The following ADARB2 variants were observed in gnomAD, a reference collection of about 807,000 sequenced individuals.
ADARB2 encodes the protein adenosine deaminase RNA specific B2 (inactive).
ADARB2 carries 25 observed loss-of-function variants against 62.2 expected under a neutral mutation model. The ratio of observed to expected loss-of-function variants is 0.40; its 90% CI spans 0.29 to 0.56. The LOEUF (loss-of-function observed/expected upper bound fraction) is 0.56. Among genes scored for constraint, ADARB2 ranks in the 20% least tolerant of loss-of-function variants. The pLI is 0.43. For synonymous variants in ADARB2, 572 were observed against 500.8 expected (o/e 1.14, Z -1.90); for missense variants, 1,071 against 1,077.4 (o/e 0.99, Z 0.08).
intron 1 of ADARB2, among the ~76,000 whole-genome samples, chr10:1,440,680 A>T (rs550120244): frequency 6.6e-6 from 1 of 152,230 alleles, no homozygotes; most frequent in Non-Finnish European, 1.5e-5. Flanking sequence ...ATTAAACAAG[A>T]TTATGAACAC....
intron 1 of ADARB2, among the ~76,000 whole-genome samples, chr10:1,537,772 T>G (rs1357900578): frequency 6.6e-6 from 1 of 151,816 alleles, no homozygotes; most frequent in African/African-American, 2.4e-5. Flanking sequence ...TGAGAACACA[T>G]GGACACAGGG....
At chr10:1,245,135 G>T (rs551404297) in intron 4 of ADARB2, among the ~76,000 whole-genome samples, 1 of 152,236 alleles carries the variant, frequency 6.6e-6, no homozygotes, top group South Asian at 2.1e-4. Context: ...TGGACATGGT[G>T]CATGAGGACT....
At chr10:1,190,441 A>G (rs1336812341) in intron 8 of ADARB2, among the ~76,000 whole-genome samples, 2 of 152,248 alleles carry the variant, frequency 1.3e-5, no homozygotes, top group African/African-American at 4.8e-5. Context: ...TTCCACATGC[A>G]CAGAAAATTG....
chr10:1,438,825 T>G (rs1310111200), intron 1 of ADARB2, among the ~76,000 whole-genome samples: 1 of 127,590 alleles, frequency 7.8e-6, no homozygotes, highest in Admixed American at 8.0e-5. Context: ...CCTCAGCAGA[T>G]GGAGGCAGGT....
In ADARB2 at chr10:1,394,727, A is replaced by G. The variant is rs187768507; in HGVS notation, c.101-15567T>C. On this transcript the variant is annotated intron_variant, in intron 1 of 9. Transcript: ENST00000381312. ...TGACAACCTGCCTGGGGCCTGAGGA[A>G]CGTCAAAGGGTCTGAAGCCAGGGCC... 3.3e-3 allele frequency among the ~76,000 whole-genome samples: 510 copies of G among 152,254 alleles called. 5 individuals are homozygous for G. The highest frequency in any genetic ancestry group is 0.023 in the East Asian group (120 of 5,166).
chr10:1,541,793 C>T (rs1262158499), intron 1 of ADARB2, among the ~76,000 whole-genome samples: 17 of 45,050 alleles, frequency 3.8e-4, no homozygotes, highest in African/African-American at 1.4e-3. Flanking sequence ...GGATCACAGC[C>T]GCCCAGACCG....
intron 1 of ADARB2, among the ~76,000 whole-genome samples, chr10:1,718,267 C>G (rs559215173): frequency 1.3e-5 from 2 of 152,312 alleles, no homozygotes; most frequent in South Asian, 2.1e-4. Context: ...GATTCTGGAG[C>G]TTAGCTCTTC....
intron 1 of ADARB2, among the ~76,000 whole-genome samples, chr10:1,419,236 G>C (rs1832832659): frequency 1.3e-5 from 2 of 152,246 alleles, no homozygotes; most frequent in East Asian, 3.9e-4. Flanking sequence ...TGGGATTACA[G>C]GCACCCGCCA....
chr10:1,312,023 G>C (rs79114652), intron 3 of ADARB2, among the ~76,000 whole-genome samples: 2 of 152,158 alleles, frequency 1.3e-5, no homozygotes, highest in African/African-American at 4.8e-5. Flanking sequence ...TCTGCTTCAC[G>C]AGCACTACCG....
chr10:1,729,738 G>T (rs569254707), intron 1 of ADARB2, among the ~76,000 whole-genome samples: 1 of 152,118 alleles, frequency 6.6e-6, no homozygotes, highest in South Asian at 2.1e-4. Context: ...CCCTCTACTC[G>T]TTTGTTTTTA....
At chr10:1,549,304 A>T (rs1177971164) in intron 1 of ADARB2, among the ~76,000 whole-genome samples, 2 of 152,180 alleles carry the variant, frequency 1.3e-5, no homozygotes, top group African/African-American at 4.8e-5. Context: ...CAGGCAAACA[A>T]GTTTCCTCAA....
At chr10:1,650,329 C>A (rs1017888532) in intron 1 of ADARB2, among the ~76,000 whole-genome samples, 2 of 152,134 alleles carry the variant, frequency 1.3e-5, no homozygotes, top group Non-Finnish European at 2.9e-5. Context: ...CAAGGGGAGC[C>A]TCCTGGTGTT....
At chr10:1,407,222 C>A (rs957154366) in intron 1 of ADARB2, among the ~76,000 whole-genome samples, 1 of 152,228 alleles carries the variant, frequency 6.6e-6, no homozygotes, top group African/African-American at 2.4e-5. Context: ...CGGGACAGCA[C>A]AGGAACAGCC....
At chr10:1,269,891 C>T (rs1466526230) in intron 4 of ADARB2, among the ~76,000 whole-genome samples, 2 of 152,150 alleles carry the variant, frequency 1.3e-5, no homozygotes, top group African/African-American at 2.4e-5. Context: ...CACAAAGAGG[C>T]AGGTGTCATC....
intron 3 of ADARB2, among the ~76,000 whole-genome samples, chr10:1,288,059 C>T (rs909864417): frequency 7.2e-5 from 11 of 152,238 alleles, no homozygotes; most frequent in Non-Finnish European, 1.5e-4. Context: ...TCAGCTCGTG[C>T]ACTGCTGTCT....
intron 1 of ADARB2, among the ~76,000 whole-genome samples, chr10:1,402,367 C>G (rs1174093568): frequency 1.3e-5 from 2 of 152,168 alleles, no homozygotes; most frequent in South Asian, 2.1e-4. Context: ...TGCCACGTGC[C>G]CACTCTGCTT....
chr10:1,461,292 C>A (rs895172239), intron 1 of ADARB2, among the ~76,000 whole-genome samples: 1 of 152,204 alleles, frequency 6.6e-6, no homozygotes, highest in South Asian at 2.1e-4. Context: ...TTTAGGAGAA[C>A]TTGTCCTATT....
intron 1 of ADARB2, among the ~76,000 whole-genome samples, chr10:1,409,132 G>A (rs546471430): frequency 2.0e-5 from 3 of 152,006 alleles, no homozygotes; most frequent in Non-Finnish European, 2.9e-5. Context: ...CCTGAAGCAC[G>A]CTTGGCCCAC....
chr10:1,711,554 A>G (rs1834949177), intron 1 of ADARB2, among the ~76,000 whole-genome samples: 2 of 152,242 alleles, frequency 1.3e-5, no homozygotes, highest in African/African-American at 4.8e-5. Context: ...CCACTTGACA[A>G]AGAAGAAAAC....
Sources: allele counts gnomAD v4.1 joint callset (sites outside exome capture counted in the v4.1 genomes callset), GRCh38; gene constraint gnomAD v4.1.1; transcripts MANE v1.5; gene names NCBI Gene and HGNC (gene_info 2026-07-23, HGNC 2026-07-21).